Variants in CSNK1A1 observed in about 807,000 individuals in gnomAD.
CSNK1A1 encodes the protein casein kinase I isoform alpha.
Under a neutral mutation model 46.1 loss-of-function variants are expected in CSNK1A1, and 7 were observed. The ratio of observed to expected loss-of-function variants is 0.15; its 90% CI spans 0.09 to 0.29. The LOEUF (loss-of-function observed/expected upper bound fraction) is 0.29. Among genes scored for constraint, CSNK1A1 ranks in the 10% least tolerant of loss-of-function variants. CSNK1A1 has a pLI of 1.00. For synonymous variants in CSNK1A1, 137 were observed against 141.5 expected (o/e 0.97, Z 0.23); for missense variants, 96 against 417.1 (o/e 0.23, Z 6.71).
At chr5:149,510,995 C>A (rs535876127) in intron 6 of CSNK1A1, among the ~76,000 whole-genome samples, 9 of 152,210 alleles carry the variant, frequency 5.9e-5, no homozygotes, top group African/African-American at 1.9e-4. Flanking sequence ...TACAGGTATT[C>A]CTTCAAAGAA....
Position 149,496,633 on chromosome 5 carries a change from A to G in CSNK1A1, c.*220T>C, listed in dbSNP as rs1026856779. The G allele has an allele frequency of 4.4e-6, 2 of 459,560 alleles. No individual in the cohort carries two copies. The highest frequency in any genetic ancestry group is 4.0e-5 in the African/African-American group (2 of 49,718). The allele number at this position is 459,560 out of a possible 1,614,324, so 28.5% of individuals were successfully genotyped here. A position where few individuals can be genotyped will look rare whatever the true frequency, so the allele number is the denominator to read the frequency against. On this transcript the variant is annotated 3_prime_UTR_variant, in exon 10 of 10. Transcript: ENST00000377843. ...AGAAAACCGGACACCATGTTTCACT[A>G]TCTCAGTTAATATTCACAATTACAG...
chr5:149,527,130 AT>A (rs11419883), intron 2 of CSNK1A1, among the ~76,000 whole-genome samples: 101 of 147,182 alleles, frequency 6.9e-4, no homozygotes, highest in Non-Finnish European at 6.6e-4. Flanking sequence ...CAAAAGAGCC[AT>A]TTTTTTTTTT....
At chr5:149,523,323 G>T (rs951431079) in intron 3 of CSNK1A1, among the ~76,000 whole-genome samples, 1 of 151,980 alleles carries the variant, frequency 6.6e-6, no homozygotes, top group Non-Finnish European at 1.5e-5. Flanking sequence ...CTGTAGGCAT[G>T]AGCCACCAAA....
Position 149,551,062 on chromosome 5 carries a change from G to C in CSNK1A1, c.-98C>G. 2 of 1,406,378 alleles carry C rather than the reference G, an allele frequency of 1.4e-6. No individual in the cohort carries two copies. Among genetic ancestry groups the C allele is most frequent in the Non-Finnish European group, 2.0e-6 (2 of 1,023,134 alleles). 87.1% of individuals were successfully genotyped at this position (1,406,378 alleles called of 1,614,324 possible). ...CTACACTAGGCAAGGCTACGGAGGAGGGCGGCAGGAAACGGAACACGGAGG... is the reference window on the plus strand; with the variant it reads ...CTACACTAGGCAAGGCTACGGAGGACGGCGGCAGGAAACGGAACACGGAGG... On this transcript the variant is annotated 5_prime_UTR_variant, in exon 1 of 10. Coordinates refer to ENST00000377843, the MANE Select transcript of CSNK1A1 (RefSeq NM_001892.6).
chr5:149,506,597 C>CA (rs1761037675), intron 8 of CSNK1A1, among the ~76,000 whole-genome samples: 1 of 152,134 alleles, frequency 6.6e-6, no homozygotes, highest in Non-Finnish European at 1.5e-5. Flanking sequence ...AATCTATTCC[C>CA]CCCCCTTTTT....
At chr5:149,528,137 T>C (rs1761777190) in intron 2 of CSNK1A1, among the ~76,000 whole-genome samples, 1 of 152,168 alleles carries the variant, frequency 6.6e-6, no homozygotes, top group African/African-American at 2.4e-5. Flanking sequence ...AAGAATTAGA[T>C]GAATTGAGAA....
At chr5:149,542,464 G>A (rs900519722) in intron 2 of CSNK1A1, among the ~76,000 whole-genome samples, 3 of 121,070 alleles carry the variant, frequency 2.5e-5, no homozygotes, top group African/African-American at 9.8e-5. Context: ...GCTCCAGTCT[G>A]TGGAAAAACT....
At chr5:149,546,589 T>C (rs922591623) in intron 2 of CSNK1A1, among the ~76,000 whole-genome samples, 4 of 150,430 alleles carry the variant, frequency 2.7e-5, no homozygotes, top group Non-Finnish European at 5.9e-5. Flanking sequence ...GCCAAGACTG[T>C]ACCACTGCAC....
intron 2 of CSNK1A1, among the ~76,000 whole-genome samples, chr5:149,533,044 TACA>T (rs993055353): frequency 2.0e-4 from 30 of 152,328 alleles, no homozygotes; most frequent in African/African-American, 7.0e-4. Flanking sequence ...ATCCTTTGCT[TACA>T]ACATTACCCC....
rs1341148376 is a variant in CSNK1A1, at chr5:149,550,819, T to C, written c.123+23A>G. The C allele has an allele frequency of 3.7e-6, 6 of 1,613,718 alleles. No individual in the cohort carries two copies. Among genetic ancestry groups the C allele is most frequent in the East Asian group, 2.2e-5 (1 of 44,870 alleles). On this transcript the variant is annotated intron_variant, in intron 1 of 9. Transcript: ENST00000377843. The surrounding 1 kb of genome is among the most constrained non-coding windows in gnomAD (Gnocchi z 4.3). ...AATGAGTAAAAGCGCAGCGTTATCG[T>C]GAACCCCACCCCAGATGATTACCTC...
At chr5:149,499,487 C>T (rs1440999822) in intron 9 of CSNK1A1, among the ~76,000 whole-genome samples, 4 of 152,106 alleles carry the variant, frequency 2.6e-5, no homozygotes, top group Non-Finnish European at 5.9e-5. Context: ...CTGGCCCAGA[C>T]GAGGTGGCTC....
intron 9 of CSNK1A1, chr5:149,502,355 G>A: frequency 1.0e-6 from 1 of 962,218 alleles, no homozygotes; most frequent in Non-Finnish European, 1.2e-6. Flanking sequence ...AAAATTCCTT[G>A]TTGTGACACA....
At chr5:149,513,923 A>G (rs1024452699) in intron 4 of CSNK1A1, among the ~76,000 whole-genome samples, 8 of 151,806 alleles carry the variant, frequency 5.3e-5, no homozygotes, top group Admixed American at 1.3e-4. Context: ...AAATCCAGAT[A>G]TAAACTATCT....
intron 9 of CSNK1A1, chr5:149,503,787 G>A: frequency 2.0e-6 from 2 of 985,310 alleles, no homozygotes; most frequent in Non-Finnish European, 2.4e-6. Flanking sequence ...CTTAAAATAA[G>A]GTAATTCTTT....
chr5:149,504,791 A>G, intron 9 of CSNK1A1: 1 of 985,454 alleles, frequency 1.0e-6, no homozygotes, highest in Non-Finnish European at 1.2e-6. Context: ...TCGTTTTGAA[A>G]TTAAGATCAT....
chr5:149,520,255 T>G (rs1453984738), intron 4 of CSNK1A1, 35 bp downstream of exon 4: 1 of 1,319,202 alleles, frequency 7.6e-7, no homozygotes, highest in Non-Finnish European at 1.1e-6. Context: ...GAAACTTTAC[T>G]CTTTGTTCTT....
rs1490262269 is a variant in CSNK1A1, at chr5:149,550,283, G to A, written c.124-102C>T. ...GCAAAACTCCAAGTCGCGACTACAAGAAGAAGTGAAAAGCTGGAAAGAGAA... is the reference window on the plus strand; with the variant it reads ...GCAAAACTCCAAGTCGCGACTACAAAAAGAAGTGAAAAGCTGGAAAGAGAA... On this transcript the variant is annotated intron_variant, in intron 1 of 9. Transcript: ENST00000377843. This position sits in a 1 kb window ranked among gnomAD's most constrained non-coding sequence, Gnocchi z 4.3. The A allele has an allele frequency of 2.5e-5, 37 of 1,504,104 alleles. No individual in the cohort carries two copies. The highest frequency in any genetic ancestry group is 2.3e-4 in the South Asian group (18 of 76,656). The allele number at this position is 1,504,104 out of a possible 1,614,324, so 93.2% of individuals were successfully genotyped here. A position where few individuals can be genotyped will look rare whatever the true frequency, so the allele number is the denominator to read the frequency against.
At chr5:149,520,894 A>G (rs949911529) in intron 3 of CSNK1A1, among the ~76,000 whole-genome samples, 6 of 152,234 alleles carry the variant, frequency 3.9e-5, no homozygotes, top group African/African-American at 4.8e-5. Context: ...AGTAGTTGTT[A>G]TAATTCTTAT....
intron 2 of CSNK1A1, among the ~76,000 whole-genome samples, chr5:149,538,255 C>T (rs1439373563): frequency 6.6e-6 from 1 of 151,904 alleles, no homozygotes; most frequent in Non-Finnish European, 1.5e-5. Flanking sequence ...CTCCCGACCT[C>T]AGGTGATCCG....
Sources: gnomAD v4.1 joint callset for allele counts (sites outside exome capture counted in the v4.1 genomes callset) on GRCh38, gnomAD v4.1.1 for gene constraint, Gnocchi (gnomAD v3.1) non-coding constraint, MANE v1.5 for transcripts, NCBI Gene and HGNC (gene_info 2026-07-23, HGNC 2026-07-21) for gene names.